The following ASIC2 variants were observed in gnomAD, a reference collection of about 807,000 sequenced individuals.
The protein encoded by ASIC2 is acid sensing ion channel subunit 2.
ASIC2 carries 25 observed loss-of-function variants against 57.3 expected under a neutral mutation model. The observed-to-expected ratio is 0.44, with a 90% CI of 0.32 to 0.61. ASIC2 has a LOEUF of 0.61. Ranked by LOEUF, ASIC2 falls within the 20% of genes least tolerant of loss-of-function variation. The pLI is 0.06. For synonymous variants in ASIC2, 319 were observed against 307.5 expected (o/e 1.04, Z -0.39); for missense variants, 641 against 738.1 (o/e 0.87, Z 1.52).
rs1463380661 is a variant in ASIC2 at position 33,066,469 on chromosome 17, G to C, written c.987+22394C>G. 2.0e-5 allele frequency among the ~76,000 whole-genome samples: 3 copies of C among 152,096 alleles called. No homozygotes were observed. The East Asian group carries it at 5.8e-4, about 29-fold the overall frequency. On this transcript the variant is annotated intron_variant, in intron 3 of 9. Transcript: ENST00000225823. ...TGCTAGGCTTAGGCTGGAGGGTAAA[G>C]GATGTCCTCATGGGCCATTTAAAGA...
chr17:33,959,915 C>G (rs1164445880), intron 1 of ASIC2, among the ~76,000 whole-genome samples: 1 of 152,212 alleles, frequency 6.6e-6, no homozygotes, highest in Non-Finnish European at 1.5e-5. Context: ...GCACTCATTC[C>G]TCAATTTTCT....
intron 1 of ASIC2, among the ~76,000 whole-genome samples, chr17:33,232,513 T>C (rs1174034051): frequency 6.9e-6 from 1 of 144,474 alleles, no homozygotes; most frequent in Non-Finnish European, 1.5e-5. Context: ...TGGTATGGTA[T>C]GGCAGCCCAA....
At chr17:33,691,050 A>G (rs1703309923) in intron 1 of ASIC2, among the ~76,000 whole-genome samples, 1 of 152,108 alleles carries the variant, frequency 6.6e-6, no homozygotes, top group South Asian at 2.1e-4. Context: ...TGCCCGGCCT[A>G]GACAGTTACT....
chr17:33,017,564 C>A (rs879761764), intron 8 of ASIC2, 41 bp downstream of exon 8: 29 of 1,557,824 alleles, frequency 1.9e-5, no homozygotes, highest in Non-Finnish European at 2.4e-5. Context: ...ATGAGGGCAC[C>A]AGCATGCGGT....
chr17:33,377,858 A>G (rs558323297), intron 1 of ASIC2, among the ~76,000 whole-genome samples: 4 of 152,216 alleles, frequency 2.6e-5, no homozygotes, highest in Non-Finnish European at 5.9e-5. Context: ...TTGGGCCTCA[A>G]TGCAAGAATA....
chr17:34,077,934 C>A (rs1463674177), intron 1 of ASIC2, among the ~76,000 whole-genome samples: 1 of 152,134 alleles, frequency 6.6e-6, no homozygotes, highest in Non-Finnish European at 1.5e-5. Context: ...ACTTTGCAGG[C>A]TTCCTCCTTC....
intron 1 of ASIC2, among the ~76,000 whole-genome samples, chr17:33,628,878 C>T (rs1481145002): frequency 1.3e-5 from 2 of 152,214 alleles, no homozygotes; most frequent in African/African-American, 4.8e-5. Flanking sequence ...TTCCACTTTG[C>T]CTGATACCAA....
chr17:34,124,679 A>G (rs1911723690), intron 1 of ASIC2, among the ~76,000 whole-genome samples: 1 of 152,208 alleles, frequency 6.6e-6, no homozygotes, highest in Non-Finnish European at 1.5e-5. Flanking sequence ...TCAGGATGCC[A>G]GCATGGTCAG....
chr17:33,314,104 C>T (rs1009965248), intron 1 of ASIC2, among the ~76,000 whole-genome samples: 4 of 152,078 alleles, frequency 2.6e-5, no homozygotes, highest in African/African-American at 9.7e-5. Context: ...GAGCTAGAGA[C>T]GTGGGCTTGC....
At chr17:34,067,322 G>A (rs1909209306) in intron 1 of ASIC2, among the ~76,000 whole-genome samples, 1 of 152,268 alleles carries the variant, frequency 6.6e-6, no homozygotes, top group Admixed American at 6.5e-5. Context: ...AATACAAATA[G>A]CTGATAGATT....
At chr17:33,024,775 C>T (rs1262210069) in intron 5 of ASIC2, among the ~76,000 whole-genome samples, 1 of 152,136 alleles carries the variant, frequency 6.6e-6, no homozygotes, top group Non-Finnish European at 1.5e-5. Flanking sequence ...CAGATTTCCC[C>T]CTAACTTTGA....
chr17:34,095,493 G>C (rs1224993661), intron 1 of ASIC2, among the ~76,000 whole-genome samples: 1 of 151,668 alleles, frequency 6.6e-6, no homozygotes, highest in Non-Finnish European at 1.5e-5. Flanking sequence ...TGGCAATGCT[G>C]CATCTTTCAT....
chr17:33,874,022 A>G (rs755139777), intron 1 of ASIC2, among the ~76,000 whole-genome samples: 1 of 152,212 alleles, frequency 6.6e-6, no homozygotes, highest in Non-Finnish European at 1.5e-5. Context: ...ACTTTGAGCT[A>G]ATGGCCTGGA....
intron 1 of ASIC2, among the ~76,000 whole-genome samples, chr17:33,337,521 G>T (rs990538748): frequency 6.6e-6 from 1 of 152,234 alleles, no homozygotes; most frequent in Non-Finnish European, 1.5e-5. Context: ...GCCTCAGTTT[G>T]CTCAACTGTT....
intron 1 of ASIC2, among the ~76,000 whole-genome samples, chr17:33,429,976 C>T (rs972011087): frequency 1.3e-5 from 2 of 152,148 alleles, no homozygotes; most frequent in African/African-American, 4.8e-5. Context: ...CAAAATACAT[C>T]CTTCACCCAA....
intron 3 of ASIC2, among the ~76,000 whole-genome samples, chr17:33,072,860 G>C (rs1422583992): frequency 6.6e-6 from 1 of 152,176 alleles, no homozygotes. Context: ...TTCCCCACTG[G>C]GAAGAAGGAG....
chr17:33,863,892 CTTTTTTTGTTTT>C (rs1914160716), intron 1 of ASIC2, among the ~76,000 whole-genome samples: 3 of 133,524 alleles, frequency 2.2e-5, no homozygotes, highest in African/African-American at 7.8e-5. Flanking sequence ...ACAGTTACCT[CTTTTTTTGTTTT>C]TTTTTTTTTT....
chr17:34,077,281 G>A (rs1359728088), intron 1 of ASIC2, among the ~76,000 whole-genome samples: 1 of 152,190 alleles, frequency 6.6e-6, no homozygotes, highest in African/African-American at 2.4e-5. Context: ...CACATGCTCT[G>A]GTCTGCAGTT....
At chr17:34,026,214 C>A (rs889951653) in intron 1 of ASIC2, among the ~76,000 whole-genome samples, 2 of 152,158 alleles carry the variant, frequency 1.3e-5, no homozygotes, top group African/African-American at 4.8e-5. Flanking sequence ...CCACCTTCAC[C>A]CCTGGAATCT....
Sources: gnomAD v4.1 joint callset for allele counts (sites outside exome capture counted in the v4.1 genomes callset) on GRCh38, gnomAD v4.1.1 for gene constraint, MANE v1.5 for transcripts, NCBI Gene and HGNC (gene_info 2026-07-23, HGNC 2026-07-21) for gene names.